The following LRIG1 variants were observed in gnomAD, a reference collection of about 807,000 sequenced individuals.
LRIG1 encodes leucine rich repeats and immunoglobulin like domains 1.
LRIG1 carries 48 observed loss-of-function variants against 99.2 expected under a neutral mutation model. The observed-to-expected ratio is 0.48, with a 90% CI of 0.38 to 0.62. LRIG1 has a LOEUF of 0.62. LRIG1 is among the 20% of genes least tolerant of loss of function. The probability of loss-of-function intolerance (pLI) is 0.00; values close to 1 mark genes in which losing one functional copy is unlikely to be tolerated. For missense variants in LRIG1, 1,646 were observed against 1,434.4 expected, an observed-to-expected ratio of 1.15 and a Z score of -2.38; for synonymous variants, 772 against 596.1, an observed-to-expected ratio of 1.29 and a Z score of -4.30.
rs199994581 is a variant in LRIG1 at position 66,383,072 on chromosome 3, C to T, written c.2401G>A (p.Val801Met). The T allele has an allele frequency of 5.6e-5, 90 of 1,614,096 alleles. No homozygotes were observed. The highest frequency in any genetic ancestry group is 1.6e-4 in the Middle Eastern group (1 of 6,084). The stretch of plus-strand genomic sequence containing the variant: ...AGTGACGTCAGGACGATGCTGCTCA[C>T]GACAGCAATGGTGAAGATGCCTACC... ...TTVGIFTIAV[V>M]SSIVLTSLVW... is the part of the protein sequence containing the mutation. Residue 801 changes from valine to methionine, a missense_variant, in exon 15 of 19, where the codon GTG becomes ATG. Physicochemically the swap from Val to Met is conservative, Grantham distance 21. Transcript: ENST00000273261.
chr3:66,490,789 G>T (rs1701085246), intron 1 of LRIG1, among the ~76,000 whole-genome samples: 1 of 152,128 alleles, frequency 6.6e-6, no homozygotes, highest in Non-Finnish European at 1.5e-5. Context: ...CAGCTTTTAA[G>T]GCCACCGAAC....
chr3:66,459,775 G>A (rs76260003), intron 2 of LRIG1, among the ~76,000 whole-genome samples: 3 of 152,280 alleles, frequency 2.0e-5, no homozygotes, highest in East Asian at 1.9e-4. Flanking sequence ...ACCCAGTCAC[G>A]AGGACAAAGA....
At chr3:66,436,953 A>G (rs929170896) in intron 3 of LRIG1, among the ~76,000 whole-genome samples, 2 of 152,222 alleles carry the variant, frequency 1.3e-5, no homozygotes, top group African/African-American at 2.4e-5. Context: ...GTTCTGCAGG[A>G]AAGAAAGGTG....
At chr3:66,432,204 C>CTTCA (rs1282357705) in intron 3 of LRIG1, among the ~76,000 whole-genome samples, 1 of 152,146 alleles carries the variant, frequency 6.6e-6, no homozygotes, top group African/African-American at 2.4e-5. Flanking sequence ...GAACCTCCTC[C>CTTCA]TGAACCCCCT....
intron 1 of LRIG1, among the ~76,000 whole-genome samples, chr3:66,486,629 C>CT (rs1206211865): frequency 1.3e-5 from 2 of 152,176 alleles, no homozygotes; most frequent in Non-Finnish European, 2.9e-5. Flanking sequence ...ATGTTTATGA[C>CT]TTTTTAAAAA....
At chr3:66,492,894 T>A (rs1427215154) in intron 1 of LRIG1, among the ~76,000 whole-genome samples, 1 of 152,164 alleles carries the variant, frequency 6.6e-6, no homozygotes, top group African/African-American at 2.4e-5. Context: ...GGAACTCAGG[T>A]ACAGGTGCAC....
intron 3 of LRIG1, among the ~76,000 whole-genome samples, chr3:66,433,646 T>C (rs1384018687): frequency 2.0e-5 from 3 of 152,210 alleles, no homozygotes; most frequent in Non-Finnish European, 4.4e-5. Context: ...TTACAATATC[T>C]CTTACCACGC....
chr3:66,474,007 C>T (rs977961033), intron 1 of LRIG1, among the ~76,000 whole-genome samples: 5 of 152,162 alleles, frequency 3.3e-5, no homozygotes, highest in African/African-American at 1.2e-4. Context: ...TGTTTAGAGG[C>T]GTGGAGCAGT....
chr3:66,494,680 T>G (rs1490495423), intron 1 of LRIG1, among the ~76,000 whole-genome samples: 2 of 152,150 alleles, frequency 1.3e-5, no homozygotes, highest in Non-Finnish European at 2.9e-5. Context: ...TAAGAACATA[T>G]AAAGCAAAAA....
chr3:66,439,175 T>C (rs1052795517), intron 3 of LRIG1, among the ~76,000 whole-genome samples: 1 of 152,192 alleles, frequency 6.6e-6, no homozygotes, highest in African/African-American at 2.4e-5. Flanking sequence ...GGGGAGCCCC[T>C]GGAAGAACTG....
Position 66,384,244 on chromosome 3 carries a change from G to A in LRIG1, c.1818C>T (p.His606=), listed in dbSNP as rs34993786. The A allele has an allele frequency of 0.043, 68,770 of 1,612,576 alleles. 1,743 individuals are homozygous for A. Among genetic ancestry groups the A allele is most frequent in the Non-Finnish European group, 0.051 (59,643 of 1,178,678 alleles). The change falls in exon 14 of 19, where the codon CAC becomes CAT. Residue 606 remains histidine, a synonymous_variant. Coordinates refer to ENST00000273261, the MANE Select transcript of LRIG1 (RefSeq NM_015541.3). ...TGGTGGTGGTCCGGATGGTTATGTC[G>A]TGGGGCGTTTTGGTGAATGATGGCA... is the stretch of plus-strand genomic sequence containing the variant. ...NVLPSFTKTP[H]DITIRTTTMA...
At chr3:66,407,541 AACCCC>A (rs1362823390) in intron 7 of LRIG1, 50 bp from the exon 8 acceptor site, 31 of 1,600,460 alleles carry the variant, frequency 1.9e-5, no homozygotes, top group Non-Finnish European at 2.4e-5. Flanking sequence ...GTTGCCCCCC[AACCCC>A]ACCCCACCGG....
chr3:66,424,675 A>T (rs1482983286), intron 3 of LRIG1, among the ~76,000 whole-genome samples: 1 of 152,222 alleles, frequency 6.6e-6, no homozygotes, highest in Admixed American at 6.5e-5. Context: ...GCCATCACAC[A>T]GCAATCTAAC....
intron 3 of LRIG1, among the ~76,000 whole-genome samples, chr3:66,443,951 G>A (rs549118648): frequency 2.6e-5 from 4 of 152,178 alleles, no homozygotes; most frequent in Non-Finnish European, 5.9e-5. Context: ...GGGCAGGTGG[G>A]GACCCCAGTA....
chr3:66,384,221 G>T lies in LRIG1; in HGVS notation c.1841C>A (p.Thr614Asn), dbSNP rs1273089985. 6.2e-7 allele frequency: 1 copy of T among 1,613,954 alleles called. No individual in the cohort carries two copies. The highest frequency in any genetic ancestry group is 8.5e-7 in the Non-Finnish European group (1 of 1,179,966). ...TPHDITIRTT[T>N]MARLECAATG... ...GGCAGCACATTCGAGGCGGGCCATG[G>T]TGGTGGTCCGGATGGTTATGTCGTG... The change falls in exon 14 of 19, where the codon ACC becomes AAC. Residue 614 changes from threonine (T) to asparagine (N), a missense_variant. Coordinates refer to ENST00000273261, the MANE Select transcript of LRIG1 (RefSeq NM_015541.3).
At chr3:66,402,493 G>C (rs7618786) in intron 9 of LRIG1, among the ~76,000 whole-genome samples, 3,528 of 152,290 alleles carry the variant, frequency 0.023, 65 homozygotes, top group Non-Finnish European at 0.038. Flanking sequence ...GCCGTTTATG[G>C]CTCTGCTACT....
At chr3:66,418,222 G>T (rs895398356) in intron 3 of LRIG1, among the ~76,000 whole-genome samples, 1 of 152,124 alleles carries the variant, frequency 6.6e-6, no homozygotes, top group African/African-American at 2.4e-5. Flanking sequence ...CTCCCAGATC[G>T]CTGGGATTAC....
At chr3:66,442,451 A>G (rs955132470) in intron 3 of LRIG1, among the ~76,000 whole-genome samples, 2 of 149,582 alleles carry the variant, frequency 1.3e-5, no homozygotes, top group African/African-American at 2.4e-5. Context: ...GAGGAGGGGG[A>G]GGAGGAGGAG....
intron 6 of LRIG1, 117 bp from the exon 7 acceptor site, chr3:66,410,389 G>A: frequency 1.0e-6 from 1 of 969,044 alleles, no homozygotes; most frequent in Non-Finnish European, 1.5e-6. Flanking sequence ...CTAGAACAGT[G>A]CACGACAGAA....
Sources: allele counts gnomAD v4.1 joint callset (sites outside exome capture counted in the v4.1 genomes callset), GRCh38; gene constraint gnomAD v4.1.1; transcripts MANE v1.5; gene names NCBI Gene and HGNC (gene_info 2026-07-23, HGNC 2026-07-21).